Variants in GYS2 observed in about 807,000 individuals in gnomAD.
GYS2 encodes glycogen synthase 2.
Under a neutral mutation model 85.6 loss-of-function variants are expected in GYS2, and 80 were observed. The ratio of observed to expected loss-of-function variants is 0.93; its 90% CI spans 0.78 to 1.13. The LOEUF is 1.13. Among genes scored for constraint, GYS2 ranks in the 50% most tolerant of loss-of-function variants. The pLI is 0.00. For missense variants in GYS2, 881 were observed against 854.9 expected (o/e 1.03, Z -0.38); for synonymous variants, 328 against 300.7 (o/e 1.09, Z -0.94).
chr12:21,534,613 AAGAAAGAAAAAAAGAG>A (rs376252801), downstream of GYS2, among the ~76,000 whole-genome samples: 3 of 152,182 alleles, frequency 2.0e-5, no homozygotes, highest in African/African-American at 7.2e-5. Flanking sequence ...GAGAGAAGGT[AAGAAAGAAAAAAAGAG>A]AGAAAGAAAG....
At chr12:21,590,310 G>C (rs1944622906) in intron 1 of GYS2, among the ~76,000 whole-genome samples, 1 of 152,170 alleles carries the variant, frequency 6.6e-6, no homozygotes, top group Non-Finnish European at 1.5e-5. Flanking sequence ...CACCCAGCCT[G>C]GCTTTGCCTT....
chr12:21,568,429 A>G (rs1944348274), intron 5 of GYS2, among the ~76,000 whole-genome samples: 1 of 152,214 alleles, frequency 6.6e-6, no homozygotes, highest in African/African-American at 2.4e-5. Context: ...AAAATTTCCA[A>G]GGAATCTGGG....
chr12:21,536,595 G>A lies in GYS2; in HGVS notation c.*359C>T, dbSNP rs542459418. 41 of 265,390 alleles carry A rather than the reference G, an allele frequency of 1.5e-4. No individual in the cohort carries two copies. Among genetic ancestry groups the A allele is most frequent in the Non-Finnish European group, 2.7e-4 (37 of 138,572 alleles). The allele number at this position is 265,390 out of a possible 1,614,324, so 16.4% of individuals were successfully genotyped here. A position where few individuals can be genotyped will look rare whatever the true frequency, so the allele number is the denominator to read the frequency against. ...AATGGGAAATTTGTGTGGTGGGGTA[G>A]AGAAGCTGCATAAATAGTAAGCAAA... On this transcript the variant is annotated 3_prime_UTR_variant, in exon 16 of 16. Coordinates refer to ENST00000261195, the MANE Select transcript of GYS2 (RefSeq NM_021957.4).
At chr12:21,558,988 A>C in intron 10 of GYS2, 103 bp downstream of exon 10, 2 of 676,840 alleles carry the variant, frequency 3.0e-6, no homozygotes, top group Non-Finnish European at 5.2e-6. Flanking sequence ...TTCTAGCCTC[A>C]GGTCTGAAAA....
At chr12:21,596,449 G>A (rs1379780470) in intron 1 of GYS2, among the ~76,000 whole-genome samples, 1 of 151,794 alleles carries the variant, frequency 6.6e-6, no homozygotes, top group African/African-American at 2.4e-5. Flanking sequence ...TTTGACATCT[G>A]CAAGTCAATA....
intron 12 of GYS2, among the ~76,000 whole-genome samples, chr12:21,545,138 T>G (rs1267887341): frequency 6.6e-6 from 1 of 152,202 alleles, no homozygotes; most frequent in Non-Finnish European, 1.5e-5. Flanking sequence ...TTTTCTGAAC[T>G]TTTTAAAAGT....
intron 11 of GYS2, among the ~76,000 whole-genome samples, chr12:21,553,022 T>C (rs973305324): frequency 6.6e-6 from 1 of 152,252 alleles, no homozygotes; most frequent in Non-Finnish European, 1.5e-5. Flanking sequence ...ATGTATTTAC[T>C]ATGTGCCAAG....
At chr12:21,576,196 C>T in intron 2 of GYS2, 139 bp from the exon 3 acceptor site, 3 of 706,790 alleles carry the variant, frequency 4.2e-6, no homozygotes, top group Non-Finnish European at 7.5e-6. Context: ...ATATTGATAA[C>T]ATATAGCCTC....
At chr12:21,582,614 TAG>T (rs1463022586) in intron 1 of GYS2, among the ~76,000 whole-genome samples, 1 of 151,820 alleles carries the variant, frequency 6.6e-6, no homozygotes, top group Admixed American at 6.6e-5. Context: ...GATATAGATA[TAG>T]ATATAGATAT....
In GYS2 at chr12:21,540,494, G is replaced by A; in HGVS notation, c.1725C>T (p.Cys575=). ...TAATCCTTTGGCGGCGTGACTGTTT[G>A]CAAAATCCATAGAGAAACTTAGTCA... is the stretch of plus-strand genomic sequence containing the variant. ...NQLTKFLYGF[C]KQSRRQRIIQ... The change falls in exon 14 of 16, where the codon TGC becomes TGT. Residue 575 remains cysteine, a synonymous_variant. Transcript: ENST00000261195. The A allele has an allele frequency of 6.2e-7, 1 of 1,613,848 alleles. No homozygotes were observed. Among genetic ancestry groups the A allele is most frequent in the Non-Finnish European group, 8.5e-7 (1 of 1,179,782 alleles).
downstream of GYS2, among the ~76,000 whole-genome samples, chr12:21,534,803 C>T (rs188718226): frequency 7.2e-5 from 11 of 152,278 alleles, no homozygotes; most frequent in Admixed American, 7.2e-4. Context: ...AGGCACCACA[C>T]ACGTTTTCTA....
chr12:21,563,154 C>T (rs771262775), intron 6 of GYS2, 74 bp downstream of exon 6: 1 of 1,185,182 alleles, frequency 8.4e-7, no homozygotes, highest in East Asian at 2.3e-5. Flanking sequence ...TTTATTATTA[C>T]AATTCTGTTT....
At chr12:21,544,361 G>C (rs1322162470) in intron 12 of GYS2, among the ~76,000 whole-genome samples, 2 of 152,050 alleles carry the variant, frequency 1.3e-5, no homozygotes, top group African/African-American at 4.8e-5. Context: ...TAAAACAGTA[G>C]ATATATCTCC....
chr12:21,553,414 T>C (rs1290280971), intron 11 of GYS2, among the ~76,000 whole-genome samples: 1 of 152,236 alleles, frequency 6.6e-6, no homozygotes, highest in Non-Finnish European at 1.5e-5. Flanking sequence ...TCAGCTTTAC[T>C]TCTAGAGATC....
intron 1 of GYS2, among the ~76,000 whole-genome samples, chr12:21,586,408 T>G (rs1363538440): frequency 2.8e-5 from 4 of 142,518 alleles, no homozygotes; most frequent in Non-Finnish European, 6.1e-5. Context: ...CTCCCTTTTA[T>G]ATCTAAATCT....
At chr12:21,553,732 G>A (rs1375457923) in intron 11 of GYS2, among the ~76,000 whole-genome samples, 1 of 152,084 alleles carries the variant, frequency 6.6e-6, no homozygotes, top group East Asian at 1.9e-4. Context: ...AAAGTGGTAT[G>A]TAGTAACATT....
rs565391268 is a variant in GYS2 at position 21,598,990 on chromosome 12, A to G, written c.121+5482T>C. Among the ~76,000 whole-genome samples, 3 of 152,184 alleles carry G rather than the reference A, an allele frequency of 2.0e-5. No individual in the cohort carries two copies. In the East Asian group the frequency reaches 5.8e-4, roughly 29 times the overall value. ...AAGTCGTCATCTGGCAACACTGCCA[A>G]TTTACTAAAAATCACTATTTCAAAG... On this transcript the variant is annotated intron_variant, in intron 1 of 15. Coordinates refer to ENST00000261195, the MANE Select transcript of GYS2 (RefSeq NM_021957.4).
chr12:21,564,306 C>T (rs1460865837), intron 5 of GYS2, among the ~76,000 whole-genome samples: 1 of 152,074 alleles, frequency 6.6e-6, no homozygotes, highest in Non-Finnish European at 1.5e-5. Flanking sequence ...TGGTGTGCGC[C>T]TGTAGTCCCA....
intron 13 of GYS2, 134 bp downstream of exon 13, chr12:21,542,362 T>C: frequency 1.4e-6 from 1 of 712,244 alleles, no homozygotes; most frequent in Non-Finnish European, 2.6e-6. Context: ...AATTGACTTT[T>C]AATTAAACAA....
Sources: allele counts gnomAD v4.1 joint callset (sites outside exome capture counted in the v4.1 genomes callset), GRCh38; gene constraint gnomAD v4.1.1; transcripts MANE v1.5; gene names NCBI Gene and HGNC (gene_info 2026-07-23, HGNC 2026-07-21).